WASHC4: variants seen among roughly 807,000 people sequenced by gnomAD.
The protein encoded by WASHC4 is WASH complex subunit 4.
WASHC4 carries 86 observed loss-of-function variants against 166.6 expected under a neutral mutation model. The observed-to-expected ratio is 0.52, with a 90% CI of 0.43 to 0.62. WASHC4 has a LOEUF of 0.62. Among genes scored for constraint, WASHC4 ranks in the 20% least tolerant of loss-of-function variants. WASHC4 has a pLI of 0.00. For synonymous variants in WASHC4, 446 were observed against 451.6 expected (o/e 0.99, Z 0.16); for missense variants, 1,262 against 1,382.4 (o/e 0.91, Z 1.38).
At chr12:105,158,667 TGG>T (rs964449989) in intron 28 of WASHC4, among the ~76,000 whole-genome samples, 1 of 152,150 alleles carries the variant, frequency 6.6e-6, no homozygotes, top group Non-Finnish European at 1.5e-5. Context: ...GAGGAATAAT[TGG>T]GGGACATTTG....
chr12:105,122,030 T>A lies in WASHC4; in HGVS notation c.666-88T>A, dbSNP rs1020932205. 3 of 904,498 alleles carry A rather than the reference T, an allele frequency of 3.3e-6. No homozygotes were observed. In the African/African-American group the frequency reaches 5.1e-5, roughly 15 times the overall value. 56.0% of individuals were successfully genotyped at this position (904,498 alleles called of 1,614,324 possible). On this transcript the variant is annotated intron_variant, in intron 9 of 32. Coordinates refer to ENST00000332180, the MANE Select transcript of WASHC4 (RefSeq NM_015275.3). ...TAGAGCCAAACAAGAAATATAAATA[T>A]AAAATTTTGACTTCCAGGAAAATTT...
intron 13 of WASHC4, among the ~76,000 whole-genome samples, 179 bp downstream of exon 13, chr12:105,127,468 A>G (rs1233388076): frequency 6.6e-6 from 1 of 152,188 alleles, no homozygotes; most frequent in Non-Finnish European, 1.5e-5. Context: ...AATATTTTAC[A>G]CTTAAAGTCA....
At position 105,157,230 on chromosome 12, in the gene WASHC4, A is replaced by C. The variant is rs765419765; in HGVS notation, c.2826-6A>C. Reference sequence around the variant, plus strand: ...CTAATAAATGCCTTCCCAAATTCTTATGTAGATTTGTTCCTGATCTTGAAG... The same window carrying C: ...CTAATAAATGCCTTCCCAAATTCTTCTGTAGATTTGTTCCTGATCTTGAAG... On this transcript the variant is annotated splice_region_variant and splice_polypyrimidine_tract_variant and intron_variant, in intron 27 of 32. Transcript: ENST00000332180. The C allele has an allele frequency of 7.1e-7, 1 of 1,412,348 alleles. No individual in the cohort carries two copies. The highest frequency in any genetic ancestry group is 1.0e-6 in the Non-Finnish European group (1 of 999,512). 87.5% of individuals were successfully genotyped at this position (1,412,348 alleles called of 1,614,324 possible).
chr12:105,155,910 T>C (rs191251003), intron 26 of WASHC4, among the ~76,000 whole-genome samples: 67 of 152,256 alleles, frequency 4.4e-4, no homozygotes, highest in African/African-American at 1.5e-3. Flanking sequence ...CTGTAGATAT[T>C]ATACAACACT....
intron 18 of WASHC4, 77 bp from the exon 19 acceptor site, chr12:105,142,376 G>T (rs527599953): frequency 2.4e-6 from 2 of 830,052 alleles, no homozygotes; most frequent in African/African-American, 1.7e-5. Flanking sequence ...TCTTCCTTCT[G>T]TAGTAGATGT....
chr12:105,162,303 A>T (rs1201689367), intron 29 of WASHC4, among the ~76,000 whole-genome samples: 1 of 152,240 alleles, frequency 6.6e-6, no homozygotes, highest in Non-Finnish European at 1.5e-5. Flanking sequence ...AGGTAGGTGT[A>T]AGTAAGGACT....
chr12:105,108,671 GCTT>G (rs1879323567), intron 1 of WASHC4, among the ~76,000 whole-genome samples: 1 of 152,070 alleles, frequency 6.6e-6, no homozygotes, highest in Non-Finnish European at 1.5e-5. Flanking sequence ...TTGGCAATCT[GCTT>G]CTTATCTTTG....
intron 28 of WASHC4, among the ~76,000 whole-genome samples, chr12:105,159,476 A>C (rs1423480118): frequency 6.6e-6 from 1 of 152,216 alleles, no homozygotes; most frequent in Non-Finnish European, 1.5e-5. Flanking sequence ...GTATTTGGGT[A>C]GTTAGATATA....
In WASHC4 at chr12:105,163,980, TGAAAC is replaced by T. The variant is rs1354357114; in HGVS notation, c.3158-129_3158-125del. The T allele has an allele frequency of 1.9e-5, 16 of 820,676 alleles. No homozygotes were observed. In the East Asian group the frequency reaches 4.0e-4, roughly 20 times the overall value. The allele number at this position is 820,676 out of a possible 1,614,324, so 50.8% of individuals were successfully genotyped here. ...TTCATTTATGCTGTAAAATGTAACT[TGAAAC>T]GGGACAAACTTAAAATGCTAGGAAT... On this transcript the variant is annotated intron_variant, in intron 30 of 32. Coordinates refer to ENST00000332180, the MANE Select transcript of WASHC4 (RefSeq NM_015275.3).
chr12:105,147,809 G>A (rs1403436795), intron 24 of WASHC4: 1 of 477,108 alleles, frequency 2.1e-6, no homozygotes, highest in East Asian at 1.5e-4. Context: ...GGAGGCTGAG[G>A]CAGGAGAATC....
At position 105,126,010 on chromosome 12, in the gene WASHC4, A is replaced by G. The variant is rs1834818870; in HGVS notation, c.793A>G (p.Ile265Val). 1.2e-6 allele frequency: 2 copies of G among 1,612,400 alleles called. No individual in the cohort carries two copies. Among genetic ancestry groups the G allele is most frequent in the Middle Eastern group, 1.7e-4 (1 of 6,024 alleles). Residue 265 changes from isoleucine to valine, a missense_variant, in exon 11 of 33, where the codon ATA becomes GTA. Ile to Val is a conservative substitution (Grantham distance 29, BLOSUM62 3). Transcript: ENST00000332180. ...LLDGMIFQAC[I>V]EQQFDSLNGG... is the part of the protein sequence containing the mutation. ...TTCAATGTTTCCTGTCTAGGCCTGTATAGAACAACAATTTGATTCTCTCAA... is the reference window on the plus strand; with the variant it reads ...TTCAATGTTTCCTGTCTAGGCCTGTGTAGAACAACAATTTGATTCTCTCAA...
intron 2 of WASHC4, among the ~76,000 whole-genome samples, chr12:105,112,856 G>T (rs537046367): frequency 4.5e-4 from 68 of 152,148 alleles, no homozygotes; most frequent in African/African-American, 1.5e-3. Context: ...GAAAACTAAG[G>T]CATAGAAAAG....
intron 25 of WASHC4, among the ~76,000 whole-genome samples, 191 bp from the exon 26 acceptor site, chr12:105,152,152 A>G (rs1378460797): frequency 6.6e-6 from 1 of 152,212 alleles, no homozygotes; most frequent in African/African-American, 2.4e-5. Flanking sequence ...TAGTCGTTTT[A>G]GCTAATGTCA....
intron 29 of WASHC4, among the ~76,000 whole-genome samples, chr12:105,161,409 A>G (rs1884489576): frequency 1.3e-5 from 2 of 152,174 alleles, no homozygotes; most frequent in Admixed American, 6.5e-5. Context: ...AGAGTGTCAT[A>G]TTTGGTAATA....
At chr12:105,115,319 A>C in intron 5 of WASHC4, 90 bp downstream of exon 5, 1 of 831,034 alleles carries the variant, frequency 1.2e-6, no homozygotes, top group East Asian at 2.4e-5. Context: ...ATGATTATAT[A>C]ATAGTGTGAG....
rs146884689 is a variant in WASHC4 at position 105,151,381 on chromosome 12, ATGGTTGCTAGTTCTCTTCAG to A, written c.2650-959_2650-940del. Among the ~76,000 whole-genome samples the A allele has an allele frequency of 5.9e-3, 903 of 152,306 alleles. 17 individuals are homozygous for A. The highest frequency in any genetic ancestry group is 0.021 in the African/African-American group (853 of 41,552). On this transcript the variant is annotated intron_variant, in intron 25 of 32. Transcript: ENST00000332180. ...CACCTATTTCCAGTTCTCTTGTATA[ATGGTTGCTAGTTCTCTTCAG>A]TGCCAGAGTAGCAAAATATTACTTT...
intron 10 of WASHC4, among the ~76,000 whole-genome samples, chr12:105,123,706 A>G (rs752504965): frequency 3.3e-5 from 5 of 152,238 alleles, no homozygotes; most frequent in Non-Finnish European, 5.9e-5. Context: ...GAAGCCAGTA[A>G]GTTATCCAGA....
At chr12:105,118,268 G>A (rs1195704540) in intron 6 of WASHC4, among the ~76,000 whole-genome samples, 178 bp from the exon 7 acceptor site, 1 of 152,222 alleles carries the variant, frequency 6.6e-6, no homozygotes, top group African/African-American at 2.4e-5. Flanking sequence ...CTGGAGTACA[G>A]GAGGTGAGTT....
chr12:105,152,973 C>T (rs544087078), intron 26 of WASHC4, among the ~76,000 whole-genome samples: 2 of 152,244 alleles, frequency 1.3e-5, no homozygotes, highest in South Asian at 2.1e-4. Context: ...TCATAATCAT[C>T]GCTTAACAAA....
Sources: gnomAD v4.1 joint callset for allele counts (sites outside exome capture counted in the v4.1 genomes callset) on GRCh38, gnomAD v4.1.1 for gene constraint, MANE v1.5 for transcripts, NCBI Gene and HGNC (gene_info 2026-07-23, HGNC 2026-07-21) for gene names.